Variants in FUZ observed in about 807,000 individuals in gnomAD.
The protein encoded by FUZ is protein fuzzy homolog.
A neutral mutation model predicts 43.1 loss-of-function variants in FUZ; 31 were observed. The observed-to-expected ratio is 0.72, with a 90% CI of 0.54 to 0.97. The LOEUF is 0.97. Among genes scored for constraint, FUZ ranks in the 50% least tolerant of loss-of-function variants. The probability of loss-of-function intolerance (pLI) is 0.00; values close to 1 mark genes in which losing one functional copy is unlikely to be tolerated. For synonymous variants in FUZ, 274 were observed against 250.0 expected, an observed-to-expected ratio of 1.10 and a Z score of -0.91; for missense variants, 539 against 543.8, an observed-to-expected ratio of 0.99 and a Z score of 0.09.
chr19:49,808,696 C>G, intron 8 of FUZ, 21 bp downstream of exon 8: 1 of 1,600,692 alleles, frequency 6.2e-7, no homozygotes, highest in East Asian at 2.3e-5. Context: ...CCCCGACCCA[C>G]TCCCTCCATC....
intron 5 of FUZ, chr19:49,811,011 C>T (rs375178055): frequency 2.7e-6 from 1 of 371,084 alleles, no homozygotes; most frequent in African/African-American, 2.1e-5. Flanking sequence ...ATTAGCCGGG[C>T]GTAGTGGTGG....
Position 49,807,184 on chromosome 19 carries a change from G to C in FUZ, c.1224C>G (p.Thr408=). The change falls in exon 11 of 11, where the codon ACC becomes ACG. Residue 408 remains threonine (T), a synonymous_variant. Coordinates refer to ENST00000313777, the MANE Select transcript of FUZ (RefSeq NM_025129.5). ...SPTHGLRSLA[T]HTLHALTPLL is the part of the protein sequence containing the mutation. Reference sequence around the variant, plus strand: ...GTGGGGTGAGGGCATGCAGAGTGTGGGTGGCCAGGCTTCGCAGCCCATGGG... The same window carrying C: ...GTGGGGTGAGGGCATGCAGAGTGTGCGTGGCCAGGCTTCGCAGCCCATGGG... 1 of 1,613,322 alleles carries C rather than the reference G, an allele frequency of 6.2e-7. No individual in the cohort carries two copies. Among genetic ancestry groups the C allele is most frequent in the Non-Finnish European group, 8.5e-7 (1 of 1,179,838 alleles).
intron 10 of FUZ, chr19:49,808,098 A>C: frequency 2.4e-6 from 1 of 425,110 alleles, no homozygotes; most frequent in East Asian, 5.2e-5. Flanking sequence ...ATGATGAGGT[A>C]ATGGGATAGT....
chr19:49,810,876 G>A lies in FUZ; in HGVS notation c.492+487C>T, dbSNP rs150959202. On this transcript the variant is annotated intron_variant, in intron 5 of 10. Transcript: ENST00000313777. ...GAAAAGAAAGAAAGATGGCCCAGGC[G>A]CAGTGGCTCACGCCTGTCATCCCAG... 8.9e-3 allele frequency among the ~76,000 whole-genome samples: 1,352 copies of A among 152,086 alleles called. 30 individuals are homozygous for A. Among genetic ancestry groups the A allele is most frequent in the African/African-American group, 0.031 (1,285 of 41,480 alleles).
chr19:49,811,404 A>G lies in FUZ; in HGVS notation c.451T>C (p.Cys151Arg), dbSNP rs1428601860. 6.2e-7 allele frequency: 1 copy of G among 1,613,434 alleles called. No individual in the cohort carries two copies. The highest frequency in any genetic ancestry group is 1.1e-5 in the South Asian group (1 of 91,010). Residue 151 changes from cysteine (C) to arginine (R), a missense_variant, in exon 5 of 11, where the codon TGT becomes CGT. Cys to Arg is a radical substitution (Grantham distance 180). Transcript: ENST00000313777. ...TCTGGAGGAATCACGCAGTCCACACACTGGGTCAGGTCCCCGATGAGCTCC... is the reference window on the plus strand; with the variant it reads ...TCTGGAGGAATCACGCAGTCCACACGCTGGGTCAGGTCCCCGATGAGCTCC... ...DSELIGDLTQ[C>R]VDCVIPPEGS...
chr19:49,809,746 C>T lies in FUZ; in HGVS notation c.493-171G>A. 3 of 668,462 alleles carry T rather than the reference C, an allele frequency of 4.5e-6. No homozygotes were observed. The highest frequency in any genetic ancestry group is 5.5e-5 in the East Asian group (2 of 36,688). The allele number at this position is 668,462 out of a possible 1,614,324, so 41.4% of individuals were successfully genotyped here. A position where few individuals can be genotyped will look rare whatever the true frequency, so the allele number is the denominator to read the frequency against. On this transcript the variant is annotated intron_variant, in intron 5 of 10. Transcript: ENST00000313777. The surrounding 1 kb of genome is among the most constrained non-coding windows in gnomAD (Gnocchi z 5.1). ...GAGCCTGAGTTCCTTCACTTTCATA[C>T]GAAGTCACATCCCCAACTCACACTG...
rs923463418 is a variant in FUZ, at chr19:49,813,008, G to T, written c.99C>A (p.Pro33=). 6.4e-6 allele frequency: 10 copies of T among 1,550,622 alleles called. No individual in the cohort carries two copies. In the African/African-American group the frequency reaches 1.4e-4, roughly 21 times the overall value. The part of the protein sequence containing the change: ...LFCRSSRGGA[P]ARQQLPFSVI... ...TCCAAGGCCCCACCTGCTGACGGGC[G>T]GGGGCGCCGCCGCGACTGCTCCTGC... The change falls in exon 1 of 11, where the codon CCC becomes CCA. Residue 33 remains proline (P), a synonymous_variant. Coordinates refer to ENST00000313777, the MANE Select transcript of FUZ (RefSeq NM_025129.5).
At position 49,809,506 on chromosome 19, in the gene FUZ, C is replaced by A; in HGVS notation, c.562G>T (p.Val188Leu). The change falls in exon 6 of 11, where the codon GTG (valine) becomes TTG (leucine). Residue 188 changes from valine (V) to leucine (L), a missense_variant. Transcript: ENST00000313777. This position sits in a 1 kb window ranked among gnomAD's most constrained non-coding sequence, Gnocchi z 5.1. ...FVSLVVSGRV[V>L]AATEGWWRLG... is the part of the protein sequence containing the mutation. ...CGCCACCAACCCTCTGTTGCTGCCA[C>A]CACCCGGCCGGACACCACCAGACTG... 6.3e-7 allele frequency: 1 copy of A among 1,595,836 alleles called. No homozygotes were observed. Among genetic ancestry groups the A allele is most frequent in the South Asian group, 1.1e-5 (1 of 88,782 alleles).
In FUZ at chr19:49,812,845, G is replaced by A. The variant is rs982056633; in HGVS notation, c.112-109C>T. On this transcript the variant is annotated intron_variant, in intron 1 of 10. Transcript: ENST00000313777. ...CATCCTCTTTCCATATGACCTGGCA[G>A]TGCCTCTTTGGGGAACCAGGCTTAT... 2.7e-6 allele frequency: 4 copies of A among 1,472,258 alleles called. No homozygotes were observed. In the African/African-American group the frequency reaches 5.5e-5, roughly 20 times the overall value. 91.2% of individuals were successfully genotyped at this position (1,472,258 alleles called of 1,614,324 possible).
chr19:49,809,603 A>T lies in FUZ; in HGVS notation c.493-28T>A. On this transcript the variant is annotated intron_variant, in intron 5 of 10. Coordinates refer to ENST00000313777, the MANE Select transcript of FUZ (RefSeq NM_025129.5). This position sits in a 1 kb window ranked among gnomAD's most constrained non-coding sequence, Gnocchi z 5.1. ...GGGTACGGGAGGCAGGAGGACTGGG[A>T]GTCAGCAGACAAGCGTAGGGGGTGG... The T allele has an allele frequency of 1.9e-6, 3 of 1,565,924 alleles. No individual in the cohort carries two copies. The highest frequency in any genetic ancestry group is 2.6e-6 in the Non-Finnish European group (3 of 1,162,306).
chr19:49,810,467 G>A lies in FUZ; in HGVS notation c.493-892C>T, dbSNP rs145374026. Among the ~76,000 whole-genome samples, 1,345 of 151,868 alleles carry A rather than the reference G, an allele frequency of 8.9e-3. 14 individuals carry two copies. Among genetic ancestry groups the A allele is most frequent in the Middle Eastern group, 0.058 (17 of 292 alleles). On this transcript the variant is annotated intron_variant, in intron 5 of 10. Coordinates refer to ENST00000313777, the MANE Select transcript of FUZ (RefSeq NM_025129.5). ...AGGCGGGTGGATCACGAGGTCAGGC[G>A]TTCAAGACCAGCCTGGCCAACATAG... is the stretch of plus-strand genomic sequence containing the variant.
chr19:49,808,826 G>A lies in FUZ; in HGVS notation c.787-3C>T, dbSNP rs1429462599. The A allele has an allele frequency of 2.6e-6, 4 of 1,545,998 alleles. No homozygotes were observed. Among genetic ancestry groups the A allele is most frequent in the Non-Finnish European group, 3.5e-6 (4 of 1,147,340 alleles). On this transcript the variant is annotated splice_polypyrimidine_tract_variant and splice_region_variant and intron_variant, in intron 7 of 10. Transcript: ENST00000313777. ...GGCTGCCACCAGCGCTCCAGAAGCTGCAGGGGGCGTGGTCATTGTGAGGTC... is the reference window on the plus strand; with the variant it reads ...GGCTGCCACCAGCGCTCCAGAAGCTACAGGGGGCGTGGTCATTGTGAGGTC...
chr19:49,808,094 A>G, intron 10 of FUZ: 1 of 423,052 alleles, frequency 2.4e-6, no homozygotes, highest in East Asian at 5.2e-5. Context: ...GGGAATGATG[A>G]GGTAATGGGA....
chr19:49,808,550 GC>G, intron 9 of FUZ, 23 bp downstream of exon 9: 2 of 1,596,444 alleles, frequency 1.3e-6, no homozygotes, highest in Non-Finnish European at 1.7e-6. Flanking sequence ...TCCTACCCCT[GC>G]CCCTGCCCCT....
At position 49,811,641 on chromosome 19, in the gene FUZ, T is replaced by C; in HGVS notation, c.377A>G (p.Lys126Arg). The C allele has an allele frequency of 6.2e-7, 1 of 1,614,126 alleles. No homozygotes were observed. The highest frequency in any genetic ancestry group is 8.5e-7 in the Non-Finnish European group (1 of 1,179,966). Reference sequence around the variant, plus strand: ...GTCCTGCAACCTCACCCTCAAGTCCTTCTTCAGTCTCTCCACGTTGCGGAT... The same window carrying C: ...GTCCTGCAACCTCACCCTCAAGTCCCTCTTCAGTCTCTCCACGTTGCGGAT... ...TNIRNVERLK[K>R]DLRASYCLID... Residue 126 changes from lysine to arginine, a missense_variant, in exon 4 of 11, where the codon AAG becomes AGG. Coordinates refer to ENST00000313777, the MANE Select transcript of FUZ (RefSeq NM_025129.5).
chr19:49,812,881 C>T, intron 1 of FUZ, 115 bp downstream of exon 1: 1 of 1,330,496 alleles, frequency 7.5e-7, no homozygotes, highest in South Asian at 1.2e-5. Flanking sequence ...TGGTCCATTG[C>T]CTCCTCGGTC....
At position 49,812,302 on chromosome 19, in the gene FUZ, G is replaced by A; in HGVS notation, c.267C>T (p.Gly89=). 1 of 1,614,052 alleles carries A rather than the reference G, an allele frequency of 6.2e-7. No homozygotes were observed. The highest frequency in any genetic ancestry group is 8.5e-7 in the Non-Finnish European group (1 of 1,179,936). ...GTCTCTCCAGCCTCAGCTCAGAGAT[G>A]CCCACCTCAGATGACAGAACAATGA... ...ITLIVLSSEV[G]ISELRLERLL... is the part of the protein sequence containing the mutation. Residue 89 remains glycine, a synonymous_variant, in exon 3 of 11, where the codon GGC becomes GGT. Coordinates refer to ENST00000313777, the MANE Select transcript of FUZ (RefSeq NM_025129.5).
chr19:49,811,183 AAAG>A (rs1029710244), intron 5 of FUZ, 177 bp downstream of exon 5: 1 of 667,796 alleles, frequency 1.5e-6, no homozygotes, highest in African/African-American at 1.9e-5. Flanking sequence ...AGAAAAAAGA[AAAG>A]AAAGAGAAAG....
chr19:49,808,309 C>G, intron 10 of FUZ, 105 bp downstream of exon 10: 1 of 1,179,548 alleles, frequency 8.5e-7, no homozygotes, highest in Non-Finnish European at 1.2e-6. Context: ...CCAGTGCATA[C>G]TGGGTTCCTC....
Sources: allele counts gnomAD v4.1 joint callset (sites outside exome capture counted in the v4.1 genomes callset), GRCh38; gene constraint gnomAD v4.1.1; non-coding constraint Gnocchi (gnomAD v3.1); transcripts MANE v1.5; gene names NCBI Gene and HGNC (gene_info 2026-07-23, HGNC 2026-07-21).